NLGN1: variants seen among roughly 807,000 people sequenced by gnomAD.
The protein encoded by NLGN1 is neuroligin 1.
In NLGN1, 12 loss-of-function variants were observed where a neutral mutation model predicts 65.5. That is an observed-to-expected ratio of 0.18 (90% CI 0.12 to 0.30). The LOEUF is 0.30. Ranked by LOEUF, NLGN1 falls within the 10% of genes least tolerant of loss-of-function variation. NLGN1 has a pLI of 1.00. For missense variants in NLGN1, 750 were observed against 1,007.1 expected, an observed-to-expected ratio of 0.74 and a Z score of 3.46; for synonymous variants, 350 against 359.5, an observed-to-expected ratio of 0.97 and a Z score of 0.30.
At chr3:173,404,294 T>G (rs1240661351) in intron 1 of NLGN1, among the ~76,000 whole-genome samples, 1 of 152,122 alleles carries the variant, frequency 6.6e-6, no homozygotes, top group African/African-American at 2.4e-5. Flanking sequence ...TCTCTCTGTT[T>G]CAAAGCAACT....
At position 173,964,594 on chromosome 3, in the gene NLGN1, G is replaced by C. The variant is rs140845233; in HGVS notation, c.646+156762G>C. 4.9e-4 allele frequency among the ~76,000 whole-genome samples: 75 copies of C among 152,218 alleles called. No homozygotes were observed. In the East Asian group the frequency reaches 0.012, roughly 25 times the overall value. On this transcript the variant is annotated intron_variant, in intron 4 of 6. Transcript: ENST00000457714. ...GAGTATTGAATTCACCTTTTATTGAGGTGAAGGCTAGAAAAACTAATTTTT... is the reference window on the plus strand; with the variant it reads ...GAGTATTGAATTCACCTTTTATTGACGTGAAGGCTAGAAAAACTAATTTTT...
At chr3:173,559,484 C>G (rs1478107729) in intron 2 of NLGN1, among the ~76,000 whole-genome samples, 3 of 152,162 alleles carry the variant, frequency 2.0e-5, no homozygotes, top group African/African-American at 7.2e-5. Context: ...CTTGTCTGGA[C>G]TTTGATTCAT....
chr3:173,753,668 A>G (rs1033825567), intron 3 of NLGN1, among the ~76,000 whole-genome samples: 1 of 151,992 alleles, frequency 6.6e-6, no homozygotes, highest in Non-Finnish European at 1.5e-5. Flanking sequence ...TTAGTAAGTC[A>G]TATCATATTA....
At chr3:173,783,994 A>G (rs541777690) in intron 3 of NLGN1, among the ~76,000 whole-genome samples, 1 of 152,282 alleles carries the variant, frequency 6.6e-6, no homozygotes, top group South Asian at 2.1e-4. Context: ...AAAATATTTG[A>G]TTATGTAGCA....
intron 3 of NLGN1, among the ~76,000 whole-genome samples, chr3:173,634,657 T>A (rs1577654778): frequency 6.6e-6 from 1 of 152,192 alleles, no homozygotes; most frequent in Non-Finnish European, 1.5e-5. Flanking sequence ...TTTAAATGCA[T>A]AGTATTATTT....
At chr3:174,002,739 C>A (rs1487980118) in intron 4 of NLGN1, among the ~76,000 whole-genome samples, 3 of 151,898 alleles carry the variant, frequency 2.0e-5, no homozygotes, top group Admixed American at 6.6e-5. Flanking sequence ...TTCTATAGCA[C>A]CCCCTGGGGG....
intron 3 of NLGN1, among the ~76,000 whole-genome samples, chr3:173,639,960 C>A (rs1757149534): frequency 6.6e-6 from 1 of 151,720 alleles, no homozygotes; most frequent in Non-Finnish European, 1.5e-5. Context: ...CTTCCCATTT[C>A]TTTTCCCTTC....
chr3:173,943,494 C>T (rs78001467), intron 4 of NLGN1, among the ~76,000 whole-genome samples: 6,494 of 152,188 alleles, frequency 0.043, 230 homozygotes, highest in African/African-American at 0.1. Flanking sequence ...AGTACATGCA[C>T]AGTGAATTAC....
intron 3 of NLGN1, among the ~76,000 whole-genome samples, chr3:173,727,170 G>A (rs1771947882): frequency 6.6e-6 from 1 of 152,102 alleles, no homozygotes; most frequent in East Asian, 1.9e-4. Context: ...AAGCAACAGT[G>A]AAACATCAGA....
chr3:173,415,919 G>GAGAGAGAGAGA (rs1713651073), intron 1 of NLGN1, among the ~76,000 whole-genome samples: 1 of 125,202 alleles, frequency 8.0e-6, no homozygotes, highest in African/African-American at 3.3e-5. Context: ...AGAGAGAGAG[G>GAGAGAGAGAGA]GAGAGAGAGA....
chr3:173,762,261 G>A (rs1245150009), intron 3 of NLGN1, among the ~76,000 whole-genome samples: 1 of 152,058 alleles, frequency 6.6e-6, no homozygotes, highest in African/African-American at 2.4e-5. Flanking sequence ...AACACACTGA[G>A]TGTGACTTGC....
At chr3:173,589,470 A>G (rs1748069954) in intron 2 of NLGN1, among the ~76,000 whole-genome samples, 1 of 152,192 alleles carries the variant, frequency 6.6e-6, no homozygotes. Context: ...TAATTTAGAA[A>G]ATAAATAGAC....
chr3:173,411,164 C>T (rs2148650815), intron 1 of NLGN1, among the ~76,000 whole-genome samples: 1 of 152,270 alleles, frequency 6.6e-6, no homozygotes, highest in East Asian at 1.9e-4. Flanking sequence ...GAAAAGAGGG[C>T]AAGATCAGCA....
chr3:174,005,402 G>T (rs1031875740), intron 4 of NLGN1, among the ~76,000 whole-genome samples: 9 of 152,102 alleles, frequency 5.9e-5, no homozygotes, highest in Admixed American at 4.6e-4. Context: ...TAATGTAAGT[G>T]CCTGGCATGT....
chr3:174,129,334 TC>T (rs1295412493), intron 4 of NLGN1, among the ~76,000 whole-genome samples: 3 of 141,568 alleles, frequency 2.1e-5, no homozygotes, highest in African/African-American at 7.8e-5. Flanking sequence ...TATATCTATC[TC>T]CCCCCACCCC....
At chr3:174,246,356 G>C (rs1401224871) in intron 4 of NLGN1, among the ~76,000 whole-genome samples, 1 of 152,134 alleles carries the variant, frequency 6.6e-6, no homozygotes, top group Admixed American at 6.6e-5. Flanking sequence ...ACACATGCAA[G>C]ATTTTTGAGA....
chr3:173,420,350 A>G (rs1414524240), intron 1 of NLGN1, among the ~76,000 whole-genome samples: 2 of 151,934 alleles, frequency 1.3e-5, no homozygotes, highest in Admixed American at 6.6e-5. Flanking sequence ...TCCTTGCGAT[A>G]GTTTGCTGAG....
intron 4 of NLGN1, among the ~76,000 whole-genome samples, chr3:174,228,041 A>G (rs1330251459): frequency 6.6e-6 from 1 of 151,990 alleles, no homozygotes; most frequent in Non-Finnish European, 1.5e-5. Context: ...ACATATTGTT[A>G]TTCGCTCAGG....
chr3:174,136,806 C>A (rs960274325), intron 4 of NLGN1, among the ~76,000 whole-genome samples: 4 of 152,038 alleles, frequency 2.6e-5, no homozygotes, highest in Non-Finnish European at 5.9e-5. Context: ...TAATTTTTAT[C>A]TTACAGAATA....
Sources: allele counts gnomAD v4.1 joint callset (sites outside exome capture counted in the v4.1 genomes callset), GRCh38; gene constraint gnomAD v4.1.1; transcripts MANE v1.5; gene names NCBI Gene and HGNC (gene_info 2026-07-23, HGNC 2026-07-21).